Variants in RPTOR observed in about 807,000 individuals in gnomAD.
RPTOR encodes regulatory associated protein of MTOR complex 1, also known as regulatory-associated protein of mTOR.
A neutral mutation model predicts 169.9 loss-of-function variants in RPTOR; 21 were observed. That is an observed-to-expected ratio of 0.12 (90% confidence interval 0.09 to 0.18). The LOEUF is 0.18. Ranked by LOEUF, RPTOR falls within the 10% of genes least tolerant of loss-of-function variation. RPTOR has a pLI of 1.00. For synonymous variants in RPTOR, 732 were observed against 753.2 expected (o/e 0.97, Z 0.46); for missense variants, 1,133 against 1,855.9 (o/e 0.61, Z 7.16).
chr17:80,614,628 T>C (rs2065295381), intron 1 of RPTOR, among the ~76,000 whole-genome samples: 1 of 152,222 alleles, frequency 6.6e-6, no homozygotes, highest in African/African-American at 2.4e-5. Context: ...AAAAAATATT[T>C]CGGGCAATTA....
At chr17:80,853,254 T>C (rs1302775833) in intron 11 of RPTOR, among the ~76,000 whole-genome samples, 2 of 152,188 alleles carry the variant, frequency 1.3e-5, no homozygotes, top group Admixed American at 1.3e-4. Context: ...TCAGTCATAC[T>C]GGTAGCCCGT....
chr17:80,841,287 G>GCTCACTTTCACCACACGGCAC (rs1567943081), intron 10 of RPTOR, among the ~76,000 whole-genome samples: 94 of 5,736 alleles, frequency 0.016, 31 homozygotes, highest in African/African-American at 0.021. Flanking sequence ...CCGCACGGCA[G>GCTCACTTTCACCACACGGCAC]CTCACTCTCA....
chr17:80,793,709 G>A (rs915923585), intron 7 of RPTOR, among the ~76,000 whole-genome samples: 1 of 152,218 alleles, frequency 6.6e-6, no homozygotes, highest in Admixed American at 6.5e-5. Flanking sequence ...CTGCCAGCGC[G>A]TGTTGAGCCA....
chr17:80,754,656 A>G lies in RPTOR; in HGVS notation c.830+471A>G, dbSNP rs1313429671. ...TTTTTAAGTTATAGCCGTCGGGAAC[A>G]TAACTGAAGAAATGTGTGTGATATT... On this transcript the variant is annotated intron_variant, in intron 6 of 33. Transcript: ENST00000306801. The surrounding 1 kb of genome is among the most constrained non-coding windows in gnomAD (Gnocchi z 4.2). Among the ~76,000 whole-genome samples, 1 of 152,224 alleles carries G rather than the reference A, an allele frequency of 6.6e-6. No homozygotes were observed. Among genetic ancestry groups the G allele is most frequent in the Non-Finnish European group, 1.5e-5 (1 of 68,030 alleles).
At chr17:80,771,435 G>C (rs1045185482) in intron 6 of RPTOR, among the ~76,000 whole-genome samples, 1 of 152,148 alleles carries the variant, frequency 6.6e-6, no homozygotes, top group Non-Finnish European at 1.5e-5. Flanking sequence ...TGGCCCTCCT[G>C]GGCCTCATTG....
chr17:80,568,984 A>G (rs890060501), intron 1 of RPTOR, among the ~76,000 whole-genome samples: 1 of 152,034 alleles, frequency 6.6e-6, no homozygotes, highest in Admixed American at 6.5e-5. Context: ...TCTTAAGCCA[A>G]CTCATCCGAT....
intron 3 of RPTOR, among the ~76,000 whole-genome samples, chr17:80,693,039 A>G (rs188457512): frequency 4.6e-5 from 7 of 152,336 alleles, no homozygotes; most frequent in East Asian, 1.9e-4. Context: ...TATGTTGTAC[A>G]TGGTTTCTTC....
chr17:80,640,059 C>A (rs1433600617), intron 2 of RPTOR, among the ~76,000 whole-genome samples: 3 of 152,142 alleles, frequency 2.0e-5, no homozygotes, highest in East Asian at 1.9e-4. Flanking sequence ...TGCTGAAAAT[C>A]TTGCAAATAG....
At position 80,951,516 on chromosome 17, in the gene RPTOR, G is replaced by A. The variant is rs563130449; in HGVS notation, c.3370+1969G>A. Among the ~76,000 whole-genome samples, 13 of 152,250 alleles carry A rather than the reference G, an allele frequency of 8.5e-5. 1 individual carries two copies. The highest frequency in any genetic ancestry group is 5.8e-4 in the East Asian group (3 of 5,182). ...GTAAGAGCTCCAGGCCCCAGTCCCC[G>A]AAGGCTGTGCCAGCTGTGGGCTGGG... On this transcript the variant is annotated intron_variant, in intron 28 of 33. Coordinates refer to ENST00000306801, the MANE Select transcript of RPTOR (RefSeq NM_020761.3).
chr17:80,574,827 A>ATTTTTTTTTTTTTT (rs555426915), intron 1 of RPTOR, among the ~76,000 whole-genome samples: 1 of 121,432 alleles, frequency 8.2e-6, no homozygotes, highest in Non-Finnish European at 1.6e-5. Context: ...AGCTTATTTA[A>ATTTTTTTTTTTTTT]TTTTTTTTTT....
At chr17:80,774,020 A>C (rs766553453) in intron 6 of RPTOR, 29 of 985,322 alleles carry the variant, frequency 2.9e-5, no homozygotes, top group Non-Finnish European at 3.5e-5. Context: ...GTCAGGCTTT[A>C]ATGTAAACCA....
rs567888998 is a variant in RPTOR, at chr17:80,648,881, A to G, written c.348+5071A>G. ...TTTCCTGTGCTGTTGTCCGTAGTGAACAAGTCTCACGTCCCTGCACGAGCT... is the reference window on the plus strand; with the variant it reads ...TTTCCTGTGCTGTTGTCCGTAGTGAGCAAGTCTCACGTCCCTGCACGAGCT... On this transcript the variant is annotated intron_variant, in intron 3 of 33. Transcript: ENST00000306801. Among the ~76,000 whole-genome samples the G allele has an allele frequency of 2.0e-5, 3 of 152,234 alleles. No individual in the cohort carries two copies. In the East Asian group the frequency reaches 5.8e-4, roughly 29 times the overall value.
chr17:80,739,907 A>G (rs2066467930), intron 5 of RPTOR, among the ~76,000 whole-genome samples: 1 of 152,190 alleles, frequency 6.6e-6, no homozygotes, highest in Non-Finnish European at 1.5e-5. Context: ...GAGTAAAATA[A>G]ACTGAAAGCA....
At chr17:80,961,737 C>T (rs1263761029) in intron 31 of RPTOR, 3 of 458,292 alleles carry the variant, frequency 6.5e-6, no homozygotes, top group Admixed American at 3.9e-5. Context: ...CGGAGGGTTC[C>T]GGGGGGAGTT....
At chr17:80,547,577 CTG>C (rs2084292275) in intron 1 of RPTOR, among the ~76,000 whole-genome samples, 1 of 152,130 alleles carries the variant, frequency 6.6e-6, no homozygotes, top group Non-Finnish European at 1.5e-5. Flanking sequence ...TTTGCTGTAT[CTG>C]TTTTTCGGTG....
chr17:80,607,528 T>C (rs2065237666), intron 1 of RPTOR, among the ~76,000 whole-genome samples: 1 of 151,900 alleles, frequency 6.6e-6, no homozygotes, highest in African/African-American at 2.4e-5. Flanking sequence ...CAGCTATGCC[T>C]CCTTTAAAAC....
At chr17:80,885,823 G>A (rs1278192204) in intron 17 of RPTOR, among the ~76,000 whole-genome samples, 1 of 152,222 alleles carries the variant, frequency 6.6e-6, no homozygotes, top group Non-Finnish European at 1.5e-5. Flanking sequence ...TTACAGGCGT[G>A]AGCCACCGCG....
chr17:80,880,956 T>C (rs2068180331), intron 14 of RPTOR, among the ~76,000 whole-genome samples: 1 of 152,222 alleles, frequency 6.6e-6, no homozygotes, highest in Non-Finnish European at 1.5e-5. Context: ...TGTTTGAAAG[T>C]TTAAATTTTC....
intron 5 of RPTOR, among the ~76,000 whole-genome samples, chr17:80,741,734 G>A (rs1448754621): frequency 6.6e-6 from 1 of 152,204 alleles, no homozygotes; most frequent in African/African-American, 2.4e-5. Context: ...AAGGTGGTCG[G>A]TGTCATCCTA....
Sources: allele counts gnomAD v4.1 joint callset (sites outside exome capture counted in the v4.1 genomes callset), GRCh38; gene constraint gnomAD v4.1.1; non-coding constraint Gnocchi (gnomAD v3.1); transcripts MANE v1.5; gene names NCBI Gene and HGNC (gene_info 2026-07-23, HGNC 2026-07-21).